The following BMPR1B variants were observed in gnomAD, a reference collection of about 807,000 sequenced individuals.
BMPR1B encodes the protein bone morphogenetic protein receptor type-1B.
Under a neutral mutation model 59.1 loss-of-function variants are expected in BMPR1B, and 12 were observed. That is an observed-to-expected ratio of 0.20 (90% CI 0.13 to 0.33). The LOEUF (loss-of-function observed/expected upper bound fraction) is 0.33. BMPR1B is among the 10% of genes least tolerant of loss of function. BMPR1B has a pLI of 1.00. For synonymous variants in BMPR1B, 237 were observed against 207.3 expected, an observed-to-expected ratio of 1.14 and a Z score of -1.23; for missense variants, 550 against 610.9, an observed-to-expected ratio of 0.90 and a Z score of 1.05.
At chr4:94,843,322 C>G (rs551782792) in intron 1 of BMPR1B, among the ~76,000 whole-genome samples, 1 of 152,278 alleles carries the variant, frequency 6.6e-6, no homozygotes, top group African/African-American at 2.4e-5. Flanking sequence ...TTCATAGATT[C>G]TCCTGGTTTG....
chr4:94,760,048 A>G (rs570922470), intron 1 of BMPR1B, among the ~76,000 whole-genome samples: 1 of 152,364 alleles, frequency 6.6e-6, no homozygotes, highest in South Asian at 2.1e-4. Context: ...GTTACATGAT[A>G]TAAGTTGATA....
chr4:94,976,732 T>C (rs1257686332), intron 2 of BMPR1B, among the ~76,000 whole-genome samples: 1 of 152,196 alleles, frequency 6.6e-6, no homozygotes, highest in East Asian at 1.9e-4. Flanking sequence ...GGGGCAAGCA[T>C]AGGAAAATTC....
chr4:94,875,520 T>A (rs1726689343), intron 1 of BMPR1B, among the ~76,000 whole-genome samples: 1 of 152,152 alleles, frequency 6.6e-6, no homozygotes, highest in Non-Finnish European at 1.5e-5. Context: ...CCGTCTCTAC[T>A]AAAAATACAA....
intron 3 of BMPR1B, among the ~76,000 whole-genome samples, chr4:95,034,264 T>C (rs1257841422): frequency 6.6e-6 from 1 of 152,234 alleles, no homozygotes; most frequent in East Asian, 1.9e-4. Context: ...GGTATATATG[T>C]TTATTGGATA....
At chr4:95,016,820 A>G (rs1560597510) in intron 3 of BMPR1B, among the ~76,000 whole-genome samples, 1 of 152,210 alleles carries the variant, frequency 6.6e-6, no homozygotes, top group Non-Finnish European at 1.5e-5. Context: ...TGACAAGTAT[A>G]CCATCTTACC....
intron 3 of BMPR1B, among the ~76,000 whole-genome samples, chr4:95,023,161 G>T (rs1341322406): frequency 3.3e-5 from 5 of 152,076 alleles, no homozygotes; most frequent in Admixed American, 3.3e-4. Flanking sequence ...CGTATTTCCA[G>T]TTTAAACACA....
At position 95,031,504 on chromosome 4, in the gene BMPR1B, A is replaced by G. The variant is rs372726897; in HGVS notation, c.-18+35370A>G. 3.8e-4 allele frequency among the ~76,000 whole-genome samples: 58 copies of G among 152,054 alleles called. No homozygotes were observed. In the South Asian group the frequency reaches 7.1e-3, roughly 19 times the overall value. On this transcript the variant is annotated intron_variant, in intron 3 of 12. Coordinates refer to ENST00000515059, the MANE Select transcript of BMPR1B (RefSeq NM_001203.3). ...GCTGAGTTGCCCAGGCTGGAGTGCA[A>G]TGGTTATTCACAGATGCAATCATAG...
intron 1 of BMPR1B, among the ~76,000 whole-genome samples, chr4:94,870,830 G>A (rs1726457968): frequency 1.3e-5 from 2 of 152,122 alleles, no homozygotes; most frequent in African/African-American, 2.4e-5. Flanking sequence ...CTGCCTCAGA[G>A]TTTGGAGTTT....
chr4:94,802,212 G>A (rs984016311), intron 1 of BMPR1B, among the ~76,000 whole-genome samples: 2 of 152,244 alleles, frequency 1.3e-5, no homozygotes. Flanking sequence ...CCAGGTCATG[G>A]GTTCTAGCTG....
intron 2 of BMPR1B, among the ~76,000 whole-genome samples, chr4:94,923,941 C>G (rs1226901075): frequency 6.6e-6 from 1 of 152,060 alleles, no homozygotes; most frequent in Non-Finnish European, 1.5e-5. Flanking sequence ...ATGCATAAAC[C>G]ACTCTTGATG....
intron 3 of BMPR1B, among the ~76,000 whole-genome samples, chr4:95,084,653 G>A (rs1037803875): frequency 2.0e-5 from 3 of 152,094 alleles, no homozygotes; most frequent in Non-Finnish European, 2.9e-5. Flanking sequence ...AGGGAGTGTG[G>A]TCATGGGAAA....
At chr4:94,770,095 TG>T (rs1722115559) in intron 1 of BMPR1B, among the ~76,000 whole-genome samples, 1 of 152,120 alleles carries the variant, frequency 6.6e-6, no homozygotes, top group South Asian at 2.1e-4. Context: ...CAGAGAATGC[TG>T]ATCTTTGTTG....
chr4:94,832,935 G>A (rs1243197125), intron 1 of BMPR1B, among the ~76,000 whole-genome samples: 1 of 152,008 alleles, frequency 6.6e-6, no homozygotes, highest in Non-Finnish European at 1.5e-5. Context: ...GATAGGCCGG[G>A]AACGGTGGCC....
chr4:95,040,146 A>G (rs1297745507), intron 3 of BMPR1B, among the ~76,000 whole-genome samples: 1 of 152,094 alleles, frequency 6.6e-6, no homozygotes, highest in Non-Finnish European at 1.5e-5. Flanking sequence ...ATTTTTCTCT[A>G]CTATTAGTAT....
chr4:94,788,034 G>T (rs1397232711), intron 1 of BMPR1B, among the ~76,000 whole-genome samples: 4 of 152,180 alleles, frequency 2.6e-5, no homozygotes, highest in African/African-American at 9.7e-5. Context: ...TAGAACAAGA[G>T]AATCTGAAAA....
chr4:94,838,292 T>G, intron 1 of BMPR1B, among the ~76,000 whole-genome samples: 1 of 68,308 alleles, frequency 1.5e-5, no homozygotes, highest in African/African-American at 9.8e-5. Context: ...TTAGGGAGGA[T>G]TCCCTCTTTT....
intron 1 of BMPR1B, among the ~76,000 whole-genome samples, chr4:94,829,020 A>G (rs1724479908): frequency 6.6e-6 from 1 of 151,922 alleles, no homozygotes; most frequent in Admixed American, 6.6e-5. Context: ...CATTCTTGCC[A>G]AGTAGAAAAT....
At chr4:95,067,623 C>T (rs976951217) in intron 3 of BMPR1B, among the ~76,000 whole-genome samples, 21 of 152,240 alleles carry the variant, frequency 1.4e-4, no homozygotes, top group South Asian at 2.1e-4. Flanking sequence ...AAATAATAGA[C>T]GTGTTGAAAA....
At chr4:95,139,098 G>A (rs899572902) in intron 10 of BMPR1B, among the ~76,000 whole-genome samples, 2 of 152,138 alleles carry the variant, frequency 1.3e-5, no homozygotes. Context: ...GTTTTGGTGT[G>A]GATGTCCTTT....
Sources: allele counts gnomAD v4.1 joint callset (sites outside exome capture counted in the v4.1 genomes callset), GRCh38; gene constraint gnomAD v4.1.1; transcripts MANE v1.5; gene names NCBI Gene and HGNC (gene_info 2026-07-23, HGNC 2026-07-21).